VPS35L: variants seen among roughly 807,000 people sequenced by gnomAD.
VPS35L encodes VPS35 endosomal protein-sorting factor-like.
VPS35L carries 83 observed loss-of-function variants against 133.0 expected under a neutral mutation model. The ratio of observed to expected loss-of-function variants is 0.62; its 90% CI spans 0.52 to 0.75. The LOEUF (loss-of-function observed/expected upper bound fraction) is 0.75, where lower values mean the gene tolerates loss of function less well. VPS35L is among the 30% of genes least tolerant of loss of function. The probability of loss-of-function intolerance (pLI) is 0.00; values close to 1 mark genes in which losing one functional copy is unlikely to be tolerated. For missense variants in VPS35L, 1,083 were observed against 1,206.8 expected (o/e 0.90, Z 1.52); for synonymous variants, 423 against 449.9 (o/e 0.94, Z 0.76).
At chr16:19,608,884 C>T (rs577698902) in intron 10 of VPS35L, 90 bp from the exon 11 acceptor site, 42 of 1,179,270 alleles carry the variant, frequency 3.6e-5, no homozygotes, top group East Asian at 1.9e-4. Flanking sequence ...TCCTAAGACC[C>T]GCCTACTTCT....
intron 7 of VPS35L, among the ~76,000 whole-genome samples, chr16:19,589,835 C>G (rs1452079858): frequency 6.6e-6 from 1 of 152,222 alleles, no homozygotes; most frequent in Non-Finnish European, 1.5e-5. Context: ...AATTCTCTCT[C>G]TCTCACCTCA....
chr16:19,669,122 G>A (rs200365747), intron 26 of VPS35L, 38 bp from the exon 27 acceptor site: 1 of 1,547,594 alleles, frequency 6.5e-7, no homozygotes, highest in Non-Finnish European at 8.8e-7. Context: ...AAATTTCCCA[G>A]AGTTCTAATA....
In VPS35L at chr16:19,646,397, G is replaced by A. The variant is rs977821843; in HGVS notation, c.1930-1387G>A. The stretch of plus-strand genomic sequence containing the variant: ...GAAATCACACAGTGAGGCCAGGCGC[G>A]GTGGCTCACATCTGTAATCCCAGCA... On this transcript the variant is annotated intron_variant, in intron 23 of 30. Transcript: ENST00000417362. 1.3e-4 allele frequency among the ~76,000 whole-genome samples: 20 copies of A among 152,188 alleles called. 1 individual carries two copies. Among genetic ancestry groups the A allele is most frequent in the Admixed American group, 1.1e-3 (17 of 15,286 alleles).
chr16:19,629,372 G>A (rs1399364244), intron 17 of VPS35L, among the ~76,000 whole-genome samples: 1 of 152,026 alleles, frequency 6.6e-6, no homozygotes, highest in African/African-American at 2.4e-5. Context: ...AATGGAGAAT[G>A]GATAGCTTTA....
chr16:19,677,582 G>C (rs1975107603), intron 27 of VPS35L, among the ~76,000 whole-genome samples: 1 of 152,152 alleles, frequency 6.6e-6, no homozygotes, highest in Non-Finnish European at 1.5e-5. Context: ...AAATCCTGGA[G>C]GTGGGAAGCG....
chr16:19,664,121 C>T (rs566892229), intron 26 of VPS35L, among the ~76,000 whole-genome samples: 8 of 152,142 alleles, frequency 5.3e-5, no homozygotes, highest in African/African-American at 1.7e-4. Context: ...GCATCCCTGG[C>T]ATTTACTCGT....
chr16:19,695,386 T>C (rs894306805), intron 29 of VPS35L, among the ~76,000 whole-genome samples: 1 of 152,224 alleles, frequency 6.6e-6, no homozygotes, highest in African/African-American at 2.4e-5. Context: ...TCTCTTTCTC[T>C]GGTGGAGAGA....
chr16:19,610,236 AG>A, intron 11 of VPS35L, 85 bp from the exon 12 acceptor site: 1 of 1,140,714 alleles, frequency 8.8e-7, no homozygotes, highest in South Asian at 1.5e-5. Context: ...CCTGAAATTT[AG>A]GAAGTCTTTA....
intron 8 of VPS35L, among the ~76,000 whole-genome samples, chr16:19,592,084 T>C (rs570514146): frequency 4.7e-5 from 7 of 149,964 alleles, no homozygotes; most frequent in East Asian, 1.9e-4. Flanking sequence ...TTTTCTTCTT[T>C]TTTTTTTTGA....
In VPS35L at chr16:19,575,209, A is replaced by G. The variant is rs1325996118; in HGVS notation, c.433+87A>G. On this transcript the variant is annotated intron_variant, in intron 5 of 30. Coordinates refer to ENST00000417362, the MANE Select transcript of VPS35L (RefSeq NM_020314.7). ...ACAAAGGAAAAAAGTTTTATGTGAT[A>G]TGATTCTGATGTTTGATTCAGTTGG... 2.5e-6 allele frequency: 3 copies of G among 1,207,536 alleles called. No homozygotes were observed. In the African/African-American group the frequency reaches 4.6e-5, roughly 18 times the overall value. The allele number at this position is 1,207,536 out of a possible 1,614,324, so 74.8% of individuals were successfully genotyped here. A position where few individuals can be genotyped will look rare whatever the true frequency, so the allele number is the denominator to read the frequency against.
chr16:19,685,831 T>C (rs2151621194), intron 28 of VPS35L, among the ~76,000 whole-genome samples: 1 of 152,250 alleles, frequency 6.6e-6, no homozygotes, highest in Non-Finnish European at 1.5e-5. Context: ...AGAGAAAGCT[T>C]TGAGGACCAG....
In VPS35L at chr16:19,569,540, C is replaced by T; in HGVS notation, c.234C>T (p.Pro78=). 1 of 1,599,138 alleles carries T rather than the reference C, an allele frequency of 6.3e-7. No homozygotes were observed. The highest frequency in any genetic ancestry group is 8.5e-7 in the Non-Finnish European group (1 of 1,172,984). ...PLSSVLDGTD[P]LSMFAATADP... ...GCAGCGTCCTCGATGGGACTGACCC[C>T]CTCTCCATGTTTGCAGCCACTGCTG... The change falls in exon 3 of 31, where the codon CCC becomes CCT. Residue 78 remains proline, a synonymous_variant. Coordinates refer to ENST00000417362, the MANE Select transcript of VPS35L (RefSeq NM_020314.7).
At chr16:19,585,437 C>T (rs1204776786) in intron 7 of VPS35L, among the ~76,000 whole-genome samples, 2 of 144,346 alleles carry the variant, frequency 1.4e-5, no homozygotes, top group Non-Finnish European at 3.0e-5. Flanking sequence ...GACAGGGTCT[C>T]TGTCACCCAG....
intron 26 of VPS35L, among the ~76,000 whole-genome samples, chr16:19,667,032 C>T (rs1270771152): frequency 2.0e-5 from 3 of 150,662 alleles, no homozygotes; most frequent in South Asian, 2.1e-4. Context: ...TGCCCAGGCT[C>T]GGCTCACTGC....
In VPS35L at chr16:19,573,181, T is replaced by A. The variant is rs1971435307; in HGVS notation, c.348T>A (p.Pro116=). 1 of 1,614,030 alleles carries A rather than the reference T, an allele frequency of 6.2e-7. No individual in the cohort carries two copies. The highest frequency in any genetic ancestry group is 8.5e-7 in the Non-Finnish European group (1 of 1,179,932). Residue 116 remains proline (P), a synonymous_variant, in exon 4 of 31, where the codon CCT becomes CCA. Coordinates refer to ENST00000417362, the MANE Select transcript of VPS35L (RefSeq NM_020314.7). ...CCGTTGTAGGATCGGATTTTGAGCC[T>A]TGGACCAACAAACGGGGAGAAATCC... ...DNSVVGSDFE[P]WTNKRGEILA...
chr16:19,647,622 C>G (rs1973991477), intron 23 of VPS35L, among the ~76,000 whole-genome samples, 162 bp from the exon 24 acceptor site: 1 of 152,216 alleles, frequency 6.6e-6, no homozygotes, highest in Non-Finnish European at 1.5e-5. Flanking sequence ...ATTCTGCTTA[C>G]ACTCTGAGCT....
intron 7 of VPS35L, among the ~76,000 whole-genome samples, chr16:19,591,139 G>A (rs1460114919): frequency 6.6e-6 from 1 of 152,052 alleles, no homozygotes; most frequent in Non-Finnish European, 1.5e-5. Flanking sequence ...GGGGGAATTT[G>A]GGACTGAGTA....
In VPS35L at chr16:19,573,231, A is replaced by T; in HGVS notation, c.398A>T (p.Lys133Met). ...CTTGCCCGGTACACCACTACCGAAAAGCTGTCTATTGTGAGTACCAGGAGA... is the reference window on the plus strand; with the variant it reads ...CTTGCCCGGTACACCACTACCGAAATGCTGTCTATTGTGAGTACCAGGAGA... ...EILARYTTTE[K>M]LSINLFMGSE... Residue 133 changes from lysine (K) to methionine (M), a missense_variant, in exon 4 of 31, where the codon AAG becomes ATG. Transcript: ENST00000417362. 6.2e-7 allele frequency: 1 copy of T among 1,613,748 alleles called. No individual in the cohort carries two copies. Among genetic ancestry groups the T allele is most frequent in the Non-Finnish European group, 8.5e-7 (1 of 1,179,762 alleles).
intron 12 of VPS35L, among the ~76,000 whole-genome samples, chr16:19,614,240 T>C (rs951717669): frequency 2.6e-5 from 4 of 152,188 alleles, no homozygotes; most frequent in Admixed American, 6.6e-5. Context: ...AGCATATATA[T>C]ATATATTTAA....
Sources: allele counts gnomAD v4.1 joint callset (sites outside exome capture counted in the v4.1 genomes callset), GRCh38; gene constraint gnomAD v4.1.1; transcripts MANE v1.5; gene names NCBI Gene and HGNC (gene_info 2026-07-23, HGNC 2026-07-21).